RPS27L: variants seen among roughly 807,000 people sequenced by gnomAD.
The protein encoded by RPS27L is ribosomal protein eS27-like.
RPS27L carries 10 observed loss-of-function variants against 12.8 expected under a neutral mutation model. The observed-to-expected ratio is 0.78, with a 90% confidence interval of 0.48 to 1.33. The LOEUF (loss-of-function observed/expected upper bound fraction) is 1.33. Ranked by LOEUF, RPS27L falls within the 40% of genes most tolerant of loss-of-function variation. RPS27L has a pLI of 0.00. For synonymous variants in RPS27L, 26 were observed against 32.3 expected, an observed-to-expected ratio of 0.81 and a Z score of 0.66; for missense variants, 81 against 97.4, an observed-to-expected ratio of 0.83 and a Z score of 0.71.
chr15:63,149,731 G>C lies in RPS27L; in HGVS notation c.*4301C>G, dbSNP rs954469891. On this transcript the variant is annotated 3_prime_UTR_variant, in exon 4 of 4. Transcript: ENST00000330964. Reference sequence around the variant, plus strand: ...CCACACCCTAATCCCCAGAACCTACGAATATGTTACCTTACATAGCAAAAT... The same window carrying C: ...CCACACCCTAATCCCCAGAACCTACCAATATGTTACCTTACATAGCAAAAT... 2.0e-5 allele frequency: 3 copies of C among 152,036 alleles called. No homozygotes were observed. Among genetic ancestry groups the C allele is most frequent in the African/African-American group, 7.3e-5 (3 of 41,370 alleles). The allele number at this position is 152,036 out of a possible 1,614,324, so 9.4% of individuals were successfully genotyped here.
rs575068926 is a variant in RPS27L, at chr15:63,150,563, G to A, written c.*3469C>T. ...GAAAGGAATTAGAGCTTTATCAGAT[G>A]ACTTACAGGAACGACCAGACACAAA... On this transcript the variant is annotated 3_prime_UTR_variant, in exon 4 of 4. Transcript: ENST00000330964. 2.0e-5 allele frequency: 3 copies of A among 152,320 alleles called. No individual in the cohort carries two copies. The highest frequency in any genetic ancestry group is 6.5e-5 in the Admixed American group (1 of 15,294). 9.4% of individuals were successfully genotyped at this position (152,320 alleles called of 1,614,324 possible).
intron 3 of RPS27L, chr15:63,154,337 T>C (rs1426079708): frequency 1.3e-5 from 5 of 371,772 alleles, no homozygotes; most frequent in Non-Finnish European, 2.4e-5. Flanking sequence ...GTGAAGACTG[T>C]TTCAAGCAAG....
At chr15:63,154,168 G>T in intron 3 of RPS27L, 108 bp from the exon 4 acceptor site, 1 of 846,872 alleles carries the variant, frequency 1.2e-6, no homozygotes, top group Non-Finnish European at 2.0e-6. Flanking sequence ...AAGAATATTG[G>T]ATTAATACTC....
chr15:63,156,794 T>G (rs957198268), intron 1 of RPS27L: 29 of 573,858 alleles, frequency 5.1e-5, no homozygotes, highest in Non-Finnish European at 8.1e-5. Context: ...AACTGCGTAA[T>G]GAACTGTCTT....
rs1016011477 is a variant in RPS27L at position 63,157,278 on chromosome 15, A to G, written c.6+122T>C. 1.9e-5 allele frequency: 21 copies of G among 1,131,712 alleles called. No homozygotes were observed. The African/African-American group carries it at 2.5e-4, about 13-fold the overall frequency. The allele number at this position is 1,131,712 out of a possible 1,614,324, so 70.1% of individuals were successfully genotyped here. On this transcript the variant is annotated intron_variant, in intron 1 of 3. Coordinates refer to ENST00000330964, the MANE Select transcript of RPS27L (RefSeq NM_015920.4). ...CCGCCACGCGCGAAGACGCTGCGCAACCTGAGCCGCCTCGCCACTCTCGGA... is the reference window on the plus strand; with the variant it reads ...CCGCCACGCGCGAAGACGCTGCGCAGCCTGAGCCGCCTCGCCACTCTCGGA...
intron 3 of RPS27L, 153 bp from the exon 4 acceptor site, chr15:63,154,213 TTGCTATAATACATCTATCATATC>T: frequency 1.6e-6 from 1 of 622,996 alleles, no homozygotes. Flanking sequence ...TACCAGAAAT[TTGCTATAATACATCTATCATATC>T]TGAGTTTACT....
intron 3 of RPS27L, 137 bp from the exon 4 acceptor site, chr15:63,154,197 C>A: frequency 1.5e-6 from 1 of 669,260 alleles, no homozygotes. Context: ...ATTATTTATC[C>A]TTTTATACCA....
At chr15:63,156,134 C>T (rs1209219186) in intron 2 of RPS27L, among the ~76,000 whole-genome samples, 2 of 152,182 alleles carry the variant, frequency 1.3e-5, no homozygotes, top group African/African-American at 4.8e-5. Context: ...AATCAACAGA[C>T]TTTTCTTTGT....
At chr15:63,156,715 A>C in intron 1 of RPS27L, 194 bp from the exon 2 acceptor site, 3 of 625,562 alleles carry the variant, frequency 4.8e-6, no homozygotes, top group Non-Finnish European at 8.4e-6. Context: ...GTGTTCTCCA[A>C]GTCCCTAGAA....
Position 63,153,347 on chromosome 15 carries a change from T to G in RPS27L, c.*685A>C, listed in dbSNP as rs576998489. 6.6e-6 allele frequency: 1 copy of G among 152,350 alleles called. No homozygotes were observed. The highest frequency in any genetic ancestry group is 1.9e-4 in the East Asian group (1 of 5,190). 9.4% of individuals were successfully genotyped at this position (152,350 alleles called of 1,614,324 possible). On this transcript the variant is annotated 3_prime_UTR_variant, in exon 4 of 4. Transcript: ENST00000330964. ...ATTACACTGTGATCAATATGTATTT[T>G]TTTGAAACTATTCTTTTTAATTATA...
In RPS27L at chr15:63,152,479, TATATATATA is replaced by T. The variant is rs1381108301; in HGVS notation, c.*1544_*1552del. On this transcript the variant is annotated 3_prime_UTR_variant, in exon 4 of 4. Coordinates refer to ENST00000330964, the MANE Select transcript of RPS27L (RefSeq NM_015920.4). ...TCTGGGTCATCTACATATATATGTATATATATATATTTTTTTTTTCTTTTTTTTTTTGAG... is the reference window on the plus strand; with the variant it reads ...TCTGGGTCATCTACATATATATGTATTTTTTTTTTTCTTTTTTTTTTTGAG... 2.3e-5 allele frequency: 3 copies of T among 132,462 alleles called. No homozygotes were observed. The highest frequency in any genetic ancestry group is 4.9e-5 in the Non-Finnish European group (3 of 61,318). 8.2% of individuals were successfully genotyped at this position (132,462 alleles called of 1,614,324 possible).
Position 63,150,445 on chromosome 15 carries a change from C to T in RPS27L, c.*3587G>A, listed in dbSNP as rs2037293325. 6.6e-6 allele frequency: 1 copy of T among 152,132 alleles called. No individual in the cohort carries two copies. The highest frequency in any genetic ancestry group is 1.5e-5 in the Non-Finnish European group (1 of 68,020). The allele number at this position is 152,132 out of a possible 1,614,324, so 9.4% of individuals were successfully genotyped here. A position where few individuals can be genotyped will look rare whatever the true frequency, so the allele number is the denominator to read the frequency against. ...GGATTAGACAGTAGTAATGGTTGCA[C>T]AACCTTGTAAATATAGTAAAAACTA... is the stretch of plus-strand genomic sequence containing the variant. On this transcript the variant is annotated 3_prime_UTR_variant, in exon 4 of 4. Transcript: ENST00000330964.
At position 63,152,673 on chromosome 15, in the gene RPS27L, T is replaced by G. The variant is rs2037308208; in HGVS notation, c.*1359A>C. Reference sequence around the variant, plus strand: ...ACCACGCCCAGCTAATTTTGCATTTTTAGTAGAGACGGGGTTTTTCCATGT... The same window carrying G: ...ACCACGCCCAGCTAATTTTGCATTTGTAGTAGAGACGGGGTTTTTCCATGT... On this transcript the variant is annotated 3_prime_UTR_variant, in exon 4 of 4. Transcript: ENST00000330964. 6.6e-6 allele frequency: 1 copy of G among 151,790 alleles called. No homozygotes were observed. The highest frequency in any genetic ancestry group is 6.6e-5 in the Admixed American group (1 of 15,216). 9.4% of individuals were successfully genotyped at this position (151,790 alleles called of 1,614,324 possible).
chr15:63,153,891 A>G lies in RPS27L; in HGVS notation c.*141T>C. The G allele has an allele frequency of 1.5e-6, 1 of 678,192 alleles. No homozygotes were observed. The highest frequency in any genetic ancestry group is 1.8e-5 in the African/African-American group (1 of 54,888). 42.0% of individuals were successfully genotyped at this position (678,192 alleles called of 1,614,324 possible). On this transcript the variant is annotated 3_prime_UTR_variant, in exon 4 of 4. Transcript: ENST00000330964. Reference sequence around the variant, plus strand: ...AAAACTTTATTGAAAAACTGACACCAAAATAGGAGATTACTGCTGTATACC... The same window carrying G: ...AAAACTTTATTGAAAAACTGACACCGAAATAGGAGATTACTGCTGTATACC...
rs1433710076 is a variant in RPS27L, at chr15:63,148,369, C to A, written c.*5663G>T. ...TAGTTGGCTACAAATAAAGAAAAAA[C>A]ACAACTTCAAATTAATACAAAGACA... On this transcript the variant is annotated 3_prime_UTR_variant, in exon 4 of 4. Coordinates refer to ENST00000330964, the MANE Select transcript of RPS27L (RefSeq NM_015920.4). 1.4e-5 allele frequency: 2 copies of A among 138,686 alleles called. No individual in the cohort carries two copies. The highest frequency in any genetic ancestry group is 3.1e-5 in the Non-Finnish European group (2 of 64,664). 8.6% of individuals were successfully genotyped at this position (138,686 alleles called of 1,614,324 possible). A position where few individuals can be genotyped will look rare whatever the true frequency, so the allele number is the denominator to read the frequency against.
rs927971711 is a variant in RPS27L at position 63,156,639 on chromosome 15, C to G, written c.7-118G>C. The G allele has an allele frequency of 2.4e-5, 17 of 698,400 alleles. 1 individual carries two copies. Among genetic ancestry groups the G allele is most frequent in the African/African-American group, 1.4e-4 (8 of 55,226 alleles). The allele number at this position is 698,400 out of a possible 1,614,324, so 43.3% of individuals were successfully genotyped here. ...ACGGTCATCCTCGGCAGAAGCAACACGTCAGATAGTAAAGTTATTTTTCGA... is the reference window on the plus strand; with the variant it reads ...ACGGTCATCCTCGGCAGAAGCAACAGGTCAGATAGTAAAGTTATTTTTCGA... On this transcript the variant is annotated intron_variant, in intron 1 of 3. Transcript: ENST00000330964.
At chr15:63,157,016 TA>T in intron 1 of RPS27L, 1 of 357,758 alleles carries the variant, frequency 2.8e-6, no homozygotes, top group Non-Finnish European at 5.1e-6. Context: ...GGACAGTTTT[TA>T]AAAAAGGAAA....
Position 63,153,744 on chromosome 15 carries a change from C to G in RPS27L, c.*288G>C, listed in dbSNP as rs1177694568. 3.8e-4 allele frequency: 103 copies of G among 268,064 alleles called. No homozygotes were observed. Among genetic ancestry groups the G allele is most frequent in the African/African-American group, 2.3e-3 (96 of 42,280 alleles). The allele number at this position is 268,064 out of a possible 1,614,324, so 16.6% of individuals were successfully genotyped here. ...TCTCTCTCAAAAAAAAAAAAAAAGACACAAACTAATCAGAATAAATTTTAA... is the reference window on the plus strand; with the variant it reads ...TCTCTCTCAAAAAAAAAAAAAAAGAGACAAACTAATCAGAATAAATTTTAA... On this transcript the variant is annotated 3_prime_UTR_variant, in exon 4 of 4. Transcript: ENST00000330964.
At chr15:63,154,187 A>G in intron 3 of RPS27L, 127 bp from the exon 4 acceptor site, 3 of 712,574 alleles carry the variant, frequency 4.2e-6, no homozygotes, top group South Asian at 1.9e-5. Flanking sequence ...TCATATACAG[A>G]TTATTTATCC....
Sources: gnomAD v4.1 joint callset for allele counts (sites outside exome capture counted in the v4.1 genomes callset) on GRCh38, gnomAD v4.1.1 for gene constraint, MANE v1.5 for transcripts, NCBI Gene and HGNC (gene_info 2026-07-23, HGNC 2026-07-21) for gene names.